DEAF1: variants seen among roughly 807,000 people sequenced by gnomAD.
The protein encoded by DEAF1 is DEAF1 transcription factor, also known as deformed epidermal autoregulatory factor 1 homolog.
Under a neutral mutation model 58.9 loss-of-function variants are expected in DEAF1, and 53 were observed. That is an observed-to-expected ratio of 0.90 (90% CI 0.72 to 1.13). The LOEUF (loss-of-function observed/expected upper bound fraction) is 1.13. Among genes scored for constraint, DEAF1 ranks in the 50% most tolerant of loss-of-function variants. The pLI is 0.00. For synonymous variants in DEAF1, 385 were observed against 340.4 expected (o/e 1.13, Z -1.44); for missense variants, 685 against 791.4 (o/e 0.87, Z 1.61).
intron 10 of DEAF1, among the ~76,000 whole-genome samples, chr11:660,590 G>A (rs915508756): frequency 6.6e-6 from 1 of 152,246 alleles, no homozygotes; most frequent in African/African-American, 2.4e-5. Flanking sequence ...AGAGTTCCCT[G>A]GGGACACGGG....
At chr11:663,583 A>C (rs557930736) in intron 10 of DEAF1, among the ~76,000 whole-genome samples, 237 of 151,946 alleles carry the variant, frequency 1.6e-3, no homozygotes, top group Middle Eastern at 3.4e-3. Context: ...CTGCCTGTGG[A>C]ATGAATACGA....
chr11:705,042 G>T (rs1777340926), intron 1 of DEAF1: 1 of 236,810 alleles, frequency 4.2e-6, no homozygotes, highest in South Asian at 5.1e-5. Flanking sequence ...GCCAGGTCTT[G>T]CCTGGGCTCA....
intron 1 of DEAF1, 127 bp downstream of exon 1, chr11:694,632 T>G (rs752694523): frequency 1.1e-6 from 1 of 891,728 alleles, no homozygotes; most frequent in Non-Finnish European, 1.5e-6. Flanking sequence ...TGGAGCGGGC[T>G]GGTCACGTGG....
chr11:674,504 AG>A, intron 10 of DEAF1, 31 bp downstream of exon 10: 2 of 1,613,210 alleles, frequency 1.2e-6, no homozygotes, highest in Non-Finnish European at 1.7e-6. Flanking sequence ...TACTCGGCAC[AG>A]GTCGTGTCTT....
upstream of DEAF1, chr11:697,449 G>A (rs1414165345): frequency 6.6e-6 from 1 of 152,234 alleles, no homozygotes; most frequent in Non-Finnish European, 1.5e-5. Context: ...GTCAGAATGA[G>A]CTCCTGCAGG....
rs757061845 is a variant in DEAF1, at chr11:686,843, G to A, written c.804+15C>T. ...TGAACTGTGTGCTGAGCACAGGTGA[G>A]GTCACGGACGATACCTGGATGAGGC... On this transcript the variant is annotated intron_variant, in intron 5 of 11. Transcript: ENST00000382409. 9.3e-6 allele frequency: 15 copies of A among 1,613,840 alleles called. No individual in the cohort carries two copies. In the South Asian group the frequency reaches 1.6e-4, roughly 18 times the overall value.
rs201170374 is a variant in DEAF1, at chr11:704,813, C to T, written c.-438+1759G>A. ...ACTCAAAATCGTGTTGACAGGCACCCGTTTAGGAGTGGAGAGGGACCCCAC... is the reference window on the plus strand; with the variant it reads ...ACTCAAAATCGTGTTGACAGGCACCTGTTTAGGAGTGGAGAGGGACCCCAC... On this transcript the variant is annotated intron_variant, in intron 1 of 11. Transcript: ENST00000683307. The T allele has an allele frequency of 3.0e-5, 13 of 432,148 alleles. No individual in the cohort carries two copies. In the East Asian group the frequency reaches 6.5e-4, roughly 22 times the overall value. The allele number at this position is 432,148 out of a possible 1,614,324, so 26.8% of individuals were successfully genotyped here.
intron 8 of DEAF1, among the ~76,000 whole-genome samples, chr11:679,307 T>C (rs1227242208): frequency 9.7e-6 from 1 of 103,160 alleles, no homozygotes; most frequent in African/African-American, 2.9e-5. Context: ...GGAGCGAGAC[T>C]CCACCTCAAA....
chr11:687,437 C>A (rs1187788816), intron 4 of DEAF1, among the ~76,000 whole-genome samples: 1 of 152,256 alleles, frequency 6.6e-6, no homozygotes, highest in Non-Finnish European at 1.5e-5. Context: ...CTCTCCCAGG[C>A]CTCAGCTCAG....
At chr11:652,355 A>G (rs1339786573) in intron 11 of DEAF1, among the ~76,000 whole-genome samples, 1 of 152,186 alleles carries the variant, frequency 6.6e-6, no homozygotes, top group Non-Finnish European at 1.5e-5. Flanking sequence ...GATGAAACAC[A>G]GGCTGGGTGC....
At chr11:687,038 A>C (rs1860624783) in intron 4 of DEAF1, 41 bp from the exon 5 acceptor site, 9 of 1,612,290 alleles carry the variant, frequency 5.6e-6, no homozygotes, top group Non-Finnish European at 6.8e-6. Context: ...GCAGGTGGGA[A>C]CGTCACCTCT....
At chr11:700,916 C>T (rs1590037233) in intron 1 of DEAF1, 13 of 603,042 alleles carry the variant, frequency 2.2e-5, no homozygotes, top group East Asian at 1.1e-4. Context: ...CTGGGGGCAT[C>T]GTTGGGAGAG....
At chr11:651,981 T>C (rs1173835353) in intron 11 of DEAF1, among the ~76,000 whole-genome samples, 2 of 152,042 alleles carry the variant, frequency 1.3e-5, no homozygotes, top group African/African-American at 2.4e-5. Context: ...AGAAAATCAG[T>C]GAGAATATGA....
intron 10 of DEAF1, among the ~76,000 whole-genome samples, chr11:659,919 C>T (rs967605260): frequency 1.3e-5 from 2 of 152,156 alleles, no homozygotes; most frequent in Admixed American, 6.5e-5. Flanking sequence ...CGTCACCCTG[C>T]ATGGAGGCTG....
intron 1 of DEAF1, chr11:704,631 T>C (rs944223663): frequency 3.9e-6 from 5 of 1,289,374 alleles, no homozygotes; most frequent in Non-Finnish European, 4.0e-6. Flanking sequence ...TGGAGACCTG[T>C]TGCCTTCATG....
upstream of DEAF1, chr11:699,734 A>G (rs1861356252): frequency 5.9e-6 from 1 of 168,116 alleles, no homozygotes; most frequent in South Asian, 1.4e-4. Context: ...TCTGGGCAAC[A>G]GAGCAAGACT....
intron 10 of DEAF1, among the ~76,000 whole-genome samples, chr11:669,820 T>C (rs1000480014): frequency 2.5e-4 from 38 of 150,228 alleles, no homozygotes; most frequent in African/African-American, 9.1e-4. Context: ...ATCCCAGCTA[T>C]TCGGGAGGCT....
intron 9 of DEAF1, among the ~76,000 whole-genome samples, chr11:675,252 C>T (rs1414516073): frequency 6.6e-6 from 1 of 152,136 alleles, no homozygotes; most frequent in East Asian, 1.9e-4. Flanking sequence ...GGTGCAGTGG[C>T]TCATGCCTGT....
chr11:688,323 C>G lies in DEAF1; in HGVS notation c.517+8G>C, dbSNP rs369913079. On this transcript the variant is annotated splice_region_variant and intron_variant, in intron 3 of 11. Coordinates refer to ENST00000382409, the MANE Select transcript of DEAF1 (RefSeq NM_021008.4). This position sits in a 1 kb window ranked among gnomAD's most constrained non-coding sequence, Gnocchi z 4.3. ...TGCCCGAGGCCTGGGGTGCAGGCAC[C>G]GCTGTACCTGGGGTGAGGGGAGCTG... 1 of 1,613,232 alleles carries G rather than the reference C, an allele frequency of 6.2e-7. No homozygotes were observed. Among genetic ancestry groups the G allele is most frequent in the Non-Finnish European group, 8.5e-7 (1 of 1,179,828 alleles).
Sources: gnomAD v4.1 joint callset for allele counts (sites outside exome capture counted in the v4.1 genomes callset) on GRCh38, gnomAD v4.1.1 for gene constraint, Gnocchi (gnomAD v3.1) non-coding constraint, MANE v1.5 for transcripts, NCBI Gene and HGNC (gene_info 2026-07-23, HGNC 2026-07-21) for gene names.